The following USP15 variants were observed in gnomAD, a reference collection of about 807,000 sequenced individuals.
The protein encoded by USP15 is ubiquitin carboxyl-terminal hydrolase 15.
USP15 carries 18 observed loss-of-function variants against 127.1 expected under a neutral mutation model. The ratio of observed to expected loss-of-function variants is 0.14; its 90% confidence interval spans 0.10 to 0.21. USP15 has a LOEUF of 0.21. USP15 is among the 10% of genes least tolerant of loss of function. The pLI, the probability that USP15 is intolerant of heterozygous loss-of-function variation, is 1.00. For synonymous variants in USP15, 364 were observed against 393.7 expected (o/e 0.92, Z 0.89); for missense variants, 805 against 1,159.9 (o/e 0.69, Z 4.44).
chr12:62,361,801 C>A (rs1485454197), intron 8 of USP15, among the ~76,000 whole-genome samples: 1 of 151,898 alleles, frequency 6.6e-6, no homozygotes. Context: ...AAAATGTTTT[C>A]TAAAAGTTTA....
intron 6 of USP15, among the ~76,000 whole-genome samples, chr12:62,341,600 C>G (rs1440446319): frequency 1.3e-5 from 2 of 152,142 alleles, no homozygotes; most frequent in African/African-American, 4.8e-5. Flanking sequence ...TCTGCATTTG[C>G]TTGTCTGGAA....
intron 5 of USP15, among the ~76,000 whole-genome samples, chr12:62,323,670 C>T (rs1377021773): frequency 6.6e-6 from 1 of 152,152 alleles, no homozygotes; most frequent in Non-Finnish European, 1.5e-5. Context: ...CCTTGGTTTT[C>T]ATCCATTAGG....
chr12:62,374,958 A>G (rs1278921240), intron 8 of USP15, among the ~76,000 whole-genome samples: 1 of 152,030 alleles, frequency 6.6e-6, no homozygotes. Context: ...ATAACTAGAG[A>G]GTTTTTAATA....
chr12:62,358,559 T>G (rs2066212561), intron 8 of USP15, among the ~76,000 whole-genome samples: 3 of 151,802 alleles, frequency 2.0e-5, no homozygotes, highest in South Asian at 4.2e-4. Context: ...TACTAAAAAA[T>G]ACAAAAATTA....
chr12:62,261,581 A>T (rs2063060111), intron 1 of USP15, among the ~76,000 whole-genome samples: 1 of 152,180 alleles, frequency 6.6e-6, no homozygotes, highest in African/African-American at 2.4e-5. Context: ...CTTTGAGGAG[A>T]GTTAATTTAA....
At chr12:62,367,221 T>C (rs1412834776) in intron 8 of USP15, among the ~76,000 whole-genome samples, 6 of 151,950 alleles carry the variant, frequency 3.9e-5, no homozygotes, top group African/African-American at 1.5e-4. Flanking sequence ...AGTTGTTTTT[T>C]TGTTTGTTTG....
intron 20 of USP15, 84 bp from the exon 21 acceptor site, chr12:62,401,103 C>T: frequency 2.4e-6 from 2 of 825,640 alleles, no homozygotes; most frequent in South Asian, 3.2e-5. Flanking sequence ...ATAGATATTC[C>T]TTATATAGAT....
At chr12:62,402,548 G>A (rs1166058312) in intron 21 of USP15, among the ~76,000 whole-genome samples, 2 of 151,910 alleles carry the variant, frequency 1.3e-5, no homozygotes, top group African/African-American at 4.8e-5. Flanking sequence ...AACAAAAGGT[G>A]TTCTAAGCAA....
At chr12:62,281,138 A>AT (rs1451721637) in intron 1 of USP15, among the ~76,000 whole-genome samples, 1 of 152,212 alleles carries the variant, frequency 6.6e-6, no homozygotes, top group Non-Finnish European at 1.5e-5. Flanking sequence ...GGCAGATTTC[A>AT]TAGATGTAGA....
At chr12:62,339,774 G>C (rs986735273) in intron 6 of USP15, among the ~76,000 whole-genome samples, 1 of 152,138 alleles carries the variant, frequency 6.6e-6, no homozygotes, top group Non-Finnish European at 1.5e-5. Context: ...ATGTGCTGCT[G>C]GATTCGGTTG....
Position 62,393,152 on chromosome 12 carries a change from C to T in USP15, c.2520C>T (p.Tyr840=), listed in dbSNP as rs2067375430. 1 of 1,613,854 alleles carries T rather than the reference C, an allele frequency of 6.2e-7. No individual in the cohort carries two copies. The highest frequency in any genetic ancestry group is 1.7e-5 in the Admixed American group (1 of 60,012). The change falls in exon 19 of 22, where the codon TAC becomes TAT. Residue 840 remains tyrosine, a synonymous_variant. Coordinates refer to ENST00000280377, the MANE Select transcript of USP15 (RefSeq NM_001252078.2). Reference sequence around the variant, plus strand: ...TAGTACATCTCAAGCGATTTTCTTACAGTCGATACATGAGAGACAAGTTGG... The same window carrying T: ...TAGTACATCTCAAGCGATTTTCTTATAGTCGATACATGAGAGACAAGTTGG... ...VLVVHLKRFS[Y]SRYMRDKLDT... is the part of the protein sequence containing the mutation.
chr12:62,310,541 G>A (rs1446592122), intron 3 of USP15, among the ~76,000 whole-genome samples: 1 of 151,732 alleles, frequency 6.6e-6, no homozygotes, highest in Non-Finnish European at 1.5e-5. Context: ...CTTCATCCAT[G>A]TTGCTCAAAA....
At chr12:62,403,340 G>A (rs1024257691) in intron 21 of USP15, among the ~76,000 whole-genome samples, 6 of 152,034 alleles carry the variant, frequency 3.9e-5, no homozygotes, top group Non-Finnish European at 7.4e-5. Context: ...AAGAGCCTGA[G>A]AAGAAACCAA....
intron 1 of USP15, among the ~76,000 whole-genome samples, chr12:62,289,411 C>T (rs1460019223): frequency 6.6e-6 from 1 of 152,068 alleles, no homozygotes; most frequent in Non-Finnish European, 1.5e-5. Flanking sequence ...TCATAGTAGT[C>T]TCTGATGACC....
intron 4 of USP15, among the ~76,000 whole-genome samples, chr12:62,319,391 G>A (rs1022063951): frequency 3.3e-5 from 5 of 151,960 alleles, no homozygotes; most frequent in African/African-American, 4.8e-5. Context: ...CTTCTGCAGT[G>A]TTCTTCACTA....
In USP15 at chr12:62,260,600, G is replaced by A. The variant is rs1039274754; in HGVS notation, c.89+97G>A. 1.5e-5 allele frequency: 19 copies of A among 1,237,964 alleles called. No individual in the cohort carries two copies. In the African/African-American group the frequency reaches 2.6e-4, roughly 17 times the overall value. The allele number at this position is 1,237,964 out of a possible 1,614,324, so 76.7% of individuals were successfully genotyped here. A position where few individuals can be genotyped will look rare whatever the true frequency, so the allele number is the denominator to read the frequency against. On this transcript the variant is annotated intron_variant, in intron 1 of 21. Transcript: ENST00000280377. ...GTTCTTTCGCTAGTGACAGGTGCGG[G>A]CAGGTCCGGCGGCGGCCGCCGGGGC... is the stretch of plus-strand genomic sequence containing the variant.
Position 62,384,322 on chromosome 12 carries a change from GTTTTGTT to G in USP15, c.1473+25_1473+31del, listed in dbSNP as rs2067076757. On this transcript the variant is annotated intron_variant, in intron 11 of 21. Coordinates refer to ENST00000280377, the MANE Select transcript of USP15 (RefSeq NM_001252078.2). ...ATGCAGGTAAATCATGGGTTGGTTT[GTTTTGTT>G]TTTTTTTTTTTTTTTTTGCATTTGT... is the stretch of plus-strand genomic sequence containing the variant. 8.7e-6 allele frequency: 8 copies of G among 918,936 alleles called. No individual in the cohort carries two copies. The highest frequency in any genetic ancestry group is 3.6e-5 in the African/African-American group (1 of 27,582). The allele number at this position is 918,936 out of a possible 1,614,324, so 56.9% of individuals were successfully genotyped here. A position where few individuals can be genotyped will look rare whatever the true frequency, so the allele number is the denominator to read the frequency against.
intron 7 of USP15, among the ~76,000 whole-genome samples, chr12:62,350,491 GA>G (rs143225463): frequency 0.039 from 5,978 of 152,000 alleles, 168 homozygotes; most frequent in Middle Eastern, 0.061. Context: ...ATTTAAAAAG[GA>G]AAAATAAATG....
chr12:62,288,014 G>C (rs1329848757), intron 1 of USP15, among the ~76,000 whole-genome samples: 1 of 151,992 alleles, frequency 6.6e-6, no homozygotes, highest in Non-Finnish European at 1.5e-5. Context: ...ATTTGAAGTT[G>C]GGTAATGTGA....
Sources: allele counts gnomAD v4.1 joint callset (sites outside exome capture counted in the v4.1 genomes callset), GRCh38; gene constraint gnomAD v4.1.1; transcripts MANE v1.5; gene names NCBI Gene and HGNC (gene_info 2026-07-23, HGNC 2026-07-21).